PLS1: variants seen among roughly 807,000 people sequenced by gnomAD.
The protein encoded by PLS1 is plastin 1.
Under a neutral mutation model 73.7 loss-of-function variants are expected in PLS1, and 32 were observed. The observed-to-expected ratio is 0.43, with a 90% CI of 0.33 to 0.58. PLS1 has a LOEUF of 0.58. PLS1 is among the 20% of genes least tolerant of loss of function. The pLI is 0.04. For synonymous variants in PLS1, 217 were observed against 261.3 expected, an observed-to-expected ratio of 0.83 and a Z score of 1.63; for missense variants, 633 against 740.5, an observed-to-expected ratio of 0.85 and a Z score of 1.68.
chr3:142,635,772 G>A (rs1440633755), intron 1 of PLS1, among the ~76,000 whole-genome samples: 2 of 152,194 alleles, frequency 1.3e-5, no homozygotes, highest in African/African-American at 2.4e-5. Flanking sequence ...ATATGGAAAT[G>A]TGAATGACCT....
chr3:142,637,295 A>C (rs1461255470), intron 1 of PLS1, among the ~76,000 whole-genome samples: 2 of 152,244 alleles, frequency 1.3e-5, no homozygotes, highest in Non-Finnish European at 2.9e-5. Flanking sequence ...GTATGTACAC[A>C]TGATTCTGTT....
In PLS1 at chr3:142,712,058, T is replaced by G; in HGVS notation, c.*51T>G. ...TTAAACATATTGTATGCCTCACAGT[T>G]TACAGGATTCTGAAATGTAGTGGGT... On this transcript the variant is annotated 3_prime_UTR_variant, in exon 16 of 16. Coordinates refer to ENST00000457734, the MANE Select transcript of PLS1 (RefSeq NM_001145319.2). 6.5e-7 allele frequency: 1 copy of G among 1,533,274 alleles called. No individual in the cohort carries two copies. Among genetic ancestry groups the G allele is most frequent in the Non-Finnish European group, 9.0e-7 (1 of 1,108,914 alleles). The allele number at this position is 1,533,274 out of a possible 1,614,324, so 95.0% of individuals were successfully genotyped here.
chr3:142,618,066 G>T (rs758956978), intron 1 of PLS1, among the ~76,000 whole-genome samples: 40 of 152,244 alleles, frequency 2.6e-4, no homozygotes, highest in South Asian at 4.1e-4. Context: ...TCTCAGGAAG[G>T]GTTAAGACAA....
At chr3:142,704,747 C>T (rs1373222212) in intron 14 of PLS1, among the ~76,000 whole-genome samples, 161 bp downstream of exon 14, 1 of 142,294 alleles carries the variant, frequency 7.0e-6, no homozygotes, top group African/African-American at 2.6e-5. Context: ...CTCCCAGGTT[C>T]ACACCATTCT....
chr3:142,601,928 C>A (rs1029219916), intron 1 of PLS1, among the ~76,000 whole-genome samples: 1 of 152,136 alleles, frequency 6.6e-6, no homozygotes, highest in South Asian at 2.1e-4. Context: ...CCAGGCCTAT[C>A]TGACTTTATA....
intron 1 of PLS1, among the ~76,000 whole-genome samples, chr3:142,660,666 C>A (rs1370771309): frequency 1.3e-5 from 2 of 152,146 alleles, no homozygotes; most frequent in East Asian, 1.9e-4. Flanking sequence ...AAGTTAGGAG[C>A]TGTCTGTATA....
intron 11 of PLS1, among the ~76,000 whole-genome samples, chr3:142,697,527 A>AT (rs1365951517): frequency 2.0e-5 from 3 of 152,136 alleles, no homozygotes; most frequent in Non-Finnish European, 2.9e-5. Context: ...TTGACTCTAA[A>AT]TTTTTTTAAA....
Position 142,668,606 on chromosome 3 carries a change from C to CT in PLS1, c.71-771dup, listed in dbSNP as rs11327433. On this transcript the variant is annotated intron_variant, in intron 2 of 15. Coordinates refer to ENST00000457734, the MANE Select transcript of PLS1 (RefSeq NM_001145319.2). ...ATCTGTGACTTCCCCATGCTTATTC[C>CT]TTTTTTTTTTTTTGAGATGGAGTCT... Among the ~76,000 whole-genome samples the CT allele has an allele frequency of 6.3e-3, 908 of 143,624 alleles. 7 individuals carry two copies. The highest frequency in any genetic ancestry group is 0.011 in the African/African-American group (420 of 39,588). 94.2% of individuals were successfully genotyped at this position (143,624 alleles called of 152,430 possible).
intron 4 of PLS1, among the ~76,000 whole-genome samples, chr3:142,672,339 C>CTTTTT (rs58039666): frequency 5.7e-4 from 68 of 118,408 alleles, no homozygotes; most frequent in Admixed American, 1.6e-3. Context: ...ATGAAGTGTA[C>CTTTTT]TTTTTTTTTT....
At chr3:142,628,410 T>C (rs2036480650) in intron 1 of PLS1, among the ~76,000 whole-genome samples, 1 of 150,814 alleles carries the variant, frequency 6.6e-6, no homozygotes, top group Non-Finnish European at 1.5e-5. Flanking sequence ...TGTGCATGCA[T>C]ATGTGTATGT....
At chr3:142,709,438 G>T (rs995316296) in intron 14 of PLS1, among the ~76,000 whole-genome samples, 3 of 152,004 alleles carry the variant, frequency 2.0e-5, no homozygotes, top group Non-Finnish European at 2.9e-5. Context: ...CATTACCCCT[G>T]GCCAAAGATC....
chr3:142,599,320 ATTCTTTTTTTT>A (rs374033126), intron 1 of PLS1, among the ~76,000 whole-genome samples: 46,314 of 137,068 alleles, frequency 0.34, 7,604 homozygotes, highest in Middle Eastern at 0.41. Context: ...GGACTCAGAT[ATTCTTTTTTTT>A]TTTTTTTTTT....
intron 1 of PLS1, among the ~76,000 whole-genome samples, chr3:142,603,647 C>T (rs2035965663): frequency 6.6e-6 from 1 of 151,992 alleles, no homozygotes; most frequent in Admixed American, 6.6e-5. Context: ...TGGCGCGTGC[C>T]TGTAGTCCCA....
At chr3:142,647,204 A>G (rs1320030026) in intron 1 of PLS1, among the ~76,000 whole-genome samples, 1 of 152,230 alleles carries the variant, frequency 6.6e-6, no homozygotes, top group Non-Finnish European at 1.5e-5. Context: ...CATTTTTTGA[A>G]TAGAATCATC....
intron 12 of PLS1, among the ~76,000 whole-genome samples, chr3:142,701,218 G>A (rs1194269220): frequency 1.3e-5 from 2 of 152,144 alleles, no homozygotes; most frequent in Non-Finnish European, 2.9e-5. Flanking sequence ...CCAAGGCCTG[G>A]TTCTTGGGCC....
intron 6 of PLS1, 105 bp downstream of exon 6, chr3:142,678,218 T>G: frequency 2.1e-6 from 1 of 470,490 alleles, no homozygotes. Context: ...TTAATTGTAA[T>G]GCTATTCTCC....
At chr3:142,599,943 T>C (rs1347831391) in intron 1 of PLS1, among the ~76,000 whole-genome samples, 3 of 151,872 alleles carry the variant, frequency 2.0e-5, no homozygotes, top group East Asian at 3.9e-4. Context: ...TTTTTGTGTT[T>C]AGAGATGGGG....
At chr3:142,627,081 T>G (rs1232237286) in intron 1 of PLS1, among the ~76,000 whole-genome samples, 1 of 152,210 alleles carries the variant, frequency 6.6e-6, no homozygotes, top group African/African-American at 2.4e-5. Context: ...TCCTTTTAGT[T>G]TTAAAAATAA....
chr3:142,676,205 A>G lies in PLS1; in HGVS notation c.413A>G (p.Asn138Ser), dbSNP rs745436822. 1.9e-6 allele frequency: 3 copies of G among 1,613,534 alleles called. No homozygotes were observed. In the South Asian group the frequency reaches 3.3e-5, roughly 18 times the overall value. The stretch of plus-strand genomic sequence containing the variant: ...AACTGGATAAACAAAGCCCTGGAGA[A>G]TGACCCTGACTGTAAGCATCTTATA... Reference protein sequence around the residue: ...FVNWINKALENDPDCKHLIPM... With the variant: ...FVNWINKALESDPDCKHLIPM... The change falls in exon 5 of 16, where the codon AAT becomes AGT. Residue 138 changes from asparagine (N) to serine (S), a missense_variant. Asn to Ser is a conservative substitution (Grantham distance 46, BLOSUM62 1). Coordinates refer to ENST00000457734, the MANE Select transcript of PLS1 (RefSeq NM_001145319.2).
Sources: gnomAD v4.1 joint callset for allele counts (sites outside exome capture counted in the v4.1 genomes callset) on GRCh38, gnomAD v4.1.1 for gene constraint, MANE v1.5 for transcripts, NCBI Gene and HGNC (gene_info 2026-07-23, HGNC 2026-07-21) for gene names.